GPC5: variants seen among roughly 807,000 people sequenced by gnomAD.
GPC5 encodes glypican-5.
A neutral mutation model predicts 53.9 loss-of-function variants in GPC5; 47 were observed. The observed-to-expected ratio is 0.87, with a 90% confidence interval of 0.69 to 1.11. The LOEUF (loss-of-function observed/expected upper bound fraction) is 1.11. Ranked by LOEUF, GPC5 falls within the 50% of genes most tolerant of loss-of-function variation. GPC5 has a pLI of 0.00. For synonymous variants in GPC5, 286 were observed against 263.3 expected (o/e 1.09, Z -0.84); for missense variants, 748 against 713.1 (o/e 1.05, Z -0.56).
At chr13:91,686,242 A>T (rs1460144981) in intron 2 of GPC5, among the ~76,000 whole-genome samples, 2 of 152,038 alleles carry the variant, frequency 1.3e-5, no homozygotes, top group East Asian at 3.8e-4. Flanking sequence ...ATAAAATAAT[A>T]TTAGAAATAA....
intron 7 of GPC5, among the ~76,000 whole-genome samples, chr13:92,801,844 T>A (rs1208828314): frequency 6.6e-6 from 1 of 152,012 alleles, no homozygotes; most frequent in Admixed American, 6.6e-5. Flanking sequence ...AAATATTTTG[T>A]ACAACTATAC....
At chr13:91,622,984 A>C (rs1395474505) in intron 2 of GPC5, among the ~76,000 whole-genome samples, 2 of 152,122 alleles carry the variant, frequency 1.3e-5, no homozygotes, top group African/African-American at 2.4e-5. Context: ...TAATTGCTTG[A>C]GAATGAACTC....
At chr13:92,334,138 G>A (rs918618955) in intron 7 of GPC5, among the ~76,000 whole-genome samples, 3 of 152,144 alleles carry the variant, frequency 2.0e-5, no homozygotes, top group African/African-American at 7.2e-5. Context: ...CTGCTATGAA[G>A]AAATACCCAA....
At chr13:91,737,090 C>T (rs1031614039) in intron 4 of GPC5, among the ~76,000 whole-genome samples, 4 of 151,172 alleles carry the variant, frequency 2.6e-5, no homozygotes, top group South Asian at 2.1e-4. Flanking sequence ...GGCAACAGAG[C>T]GAGACTCCGT....
chr13:92,137,140 A>G (rs1169705443), intron 6 of GPC5, among the ~76,000 whole-genome samples: 2 of 152,106 alleles, frequency 1.3e-5, no homozygotes, highest in Non-Finnish European at 2.9e-5. Flanking sequence ...CCTGTAAATG[A>G]GCATAGTTCG....
intron 7 of GPC5, among the ~76,000 whole-genome samples, chr13:92,383,604 C>T (rs1219696707): frequency 6.6e-6 from 1 of 152,126 alleles, no homozygotes; most frequent in Admixed American, 6.5e-5. Context: ...AAAAGAAACA[C>T]AGAGGAAATG....
At chr13:91,864,004 T>C (rs1047055959) in intron 5 of GPC5, among the ~76,000 whole-genome samples, 3 of 152,234 alleles carry the variant, frequency 2.0e-5, no homozygotes, top group Non-Finnish European at 4.4e-5. Context: ...CTGATAAATA[T>C]GTCTAAAGAC....
chr13:91,914,561 A>T (rs2039640234), intron 6 of GPC5, among the ~76,000 whole-genome samples: 1 of 144,622 alleles, frequency 6.9e-6, no homozygotes, highest in Non-Finnish European at 1.5e-5. Flanking sequence ...TATGTATCCC[A>T]ATAATAACAA....
chr13:91,778,903 T>A (rs541122442), intron 5 of GPC5, among the ~76,000 whole-genome samples: 1 of 152,244 alleles, frequency 6.6e-6, no homozygotes, highest in Non-Finnish European at 1.5e-5. Context: ...CTAAGCCTAT[T>A]GCTACTAGGC....
chr13:92,713,569 A>G (rs976336003), intron 7 of GPC5, among the ~76,000 whole-genome samples: 3 of 150,656 alleles, frequency 2.0e-5, no homozygotes, highest in African/African-American at 7.3e-5. Context: ...GATCGTGCCA[A>G]TACACTCCAG....
intron 7 of GPC5, among the ~76,000 whole-genome samples, chr13:92,738,579 A>T (rs1889001335): frequency 6.6e-6 from 1 of 152,092 alleles, no homozygotes; most frequent in Admixed American, 6.6e-5. Flanking sequence ...ATAATGTTTA[A>T]CGTAAAGCCA....
At chr13:92,776,306 GCT>G (rs145698162) in intron 7 of GPC5, among the ~76,000 whole-genome samples, 1 of 151,714 alleles carries the variant, frequency 6.6e-6, no homozygotes. Context: ...CCCACAGCGA[GCT>G]CTCTCTCTCT....
At chr13:92,083,266 G>C (rs1309097956) in intron 6 of GPC5, among the ~76,000 whole-genome samples, 1 of 152,088 alleles carries the variant, frequency 6.6e-6, no homozygotes, top group Admixed American at 6.6e-5. Flanking sequence ...GACACTGCTG[G>C]TGTCCAGCAG....
At chr13:92,646,765 T>A (rs932592862) in intron 7 of GPC5, among the ~76,000 whole-genome samples, 5 of 151,764 alleles carry the variant, frequency 3.3e-5, no homozygotes, top group African/African-American at 1.2e-4. Context: ...CTGAATAATT[T>A]AATGTTTTTG....
chr13:91,855,971 G>A (rs201120744), intron 5 of GPC5, among the ~76,000 whole-genome samples: 1 of 151,596 alleles, frequency 6.6e-6, no homozygotes, highest in East Asian at 1.9e-4. Context: ...TCCCCTTTCA[G>A]TCATTTCCCA....
intron 2 of GPC5, among the ~76,000 whole-genome samples, chr13:91,585,017 G>A (rs2032510037): frequency 6.6e-6 from 1 of 152,114 alleles, no homozygotes; most frequent in African/African-American, 2.4e-5. Flanking sequence ...AAAAAGACAA[G>A]CCATTTTTGA....
At chr13:91,504,533 T>A (rs1441253642) in intron 2 of GPC5, among the ~76,000 whole-genome samples, 1 of 152,130 alleles carries the variant, frequency 6.6e-6, no homozygotes, top group Non-Finnish European at 1.5e-5. Context: ...TGTTCTTATA[T>A]AACAGCAACT....
chr13:91,871,003 T>C (rs957166096), intron 5 of GPC5, among the ~76,000 whole-genome samples: 5 of 152,228 alleles, frequency 3.3e-5, no homozygotes, highest in African/African-American at 9.6e-5. Context: ...AATGTATTTA[T>C]GTTTCACATA....
At chr13:91,938,297 C>T (rs1566352068) in intron 6 of GPC5, among the ~76,000 whole-genome samples, 1 of 151,958 alleles carries the variant, frequency 6.6e-6, no homozygotes, top group Non-Finnish European at 1.5e-5. Context: ...TGGCAAGAGA[C>T]AGAGCAAGAG....
Sources: gnomAD v4.1 joint callset for allele counts (sites outside exome capture counted in the v4.1 genomes callset) on GRCh38, gnomAD v4.1.1 for gene constraint, MANE v1.5 for transcripts, NCBI Gene and HGNC (gene_info 2026-07-23, HGNC 2026-07-21) for gene names.